TUSC3: variants seen among roughly 807,000 people sequenced by gnomAD.
TUSC3 encodes tumor suppressor candidate 3, also known as dolichyl-diphosphooligosaccharide--protein glycosyltransferase subunit TUSC3.
Under a neutral mutation model 44.8 loss-of-function variants are expected in TUSC3, and 45 were observed. The observed-to-expected ratio is 1.00, with a 90% CI of 0.79 to 1.29. The LOEUF (loss-of-function observed/expected upper bound fraction) is 1.29, where lower values mean the gene tolerates loss of function less well. Among genes scored for constraint, TUSC3 ranks in the 50% most tolerant of loss-of-function variants. TUSC3 has a pLI of 0.00. For synonymous variants in TUSC3, 212 were observed against 152.9 expected, an observed-to-expected ratio of 1.39 and a Z score of -2.85; for missense variants, 519 against 437.9, an observed-to-expected ratio of 1.19 and a Z score of -1.65.
Position 15,540,389 on chromosome 8 carries a change from G to A in TUSC3, c.-42G>A. The A allele has an allele frequency of 6.6e-6, 10 of 1,515,410 alleles. No homozygotes were observed. The highest frequency in any genetic ancestry group is 8.8e-6 in the Non-Finnish European group (10 of 1,130,514). 93.9% of individuals were successfully genotyped at this position (1,515,410 alleles called of 1,614,324 possible). A position where few individuals can be genotyped will look rare whatever the true frequency, so the allele number is the denominator to read the frequency against. On this transcript the variant is annotated 5_prime_UTR_variant, in exon 1 of 11. Coordinates refer to ENST00000503731, the MANE Select transcript of TUSC3 (RefSeq NM_006765.4). Reference sequence around the variant, plus strand: ...GCGTGGTGCGCGGTAGGAGCTGGGCGCGCACGGCTACCGCGCGTGGAGGAG... The same window carrying A: ...GCGTGGTGCGCGGTAGGAGCTGGGCACGCACGGCTACCGCGCGTGGAGGAG...
chr8:15,798,773 GACA>G, the TUSC3 span, among the ~76,000 whole-genome samples: 39 of 152,220 alleles, frequency 2.6e-4, no homozygotes, highest in East Asian at 5.0e-3. Context: ...CTCTTACAGG[GACA>G]ACATTTTAAA....
chr8:15,639,415 T>C (rs890481853), intron 2 of TUSC3, among the ~76,000 whole-genome samples: 1 of 152,232 alleles, frequency 6.6e-6, no homozygotes, highest in Non-Finnish European at 1.5e-5. Flanking sequence ...GAAAAACTCA[T>C]TGAAAAGTTT....
intron 6 of TUSC3, among the ~76,000 whole-genome samples, chr8:15,679,447 G>C (rs59768665): frequency 0.01 from 1,551 of 151,832 alleles, 26 homozygotes; most frequent in African/African-American, 0.036. Context: ...TTTTTAATGG[G>C]GTTATTTTTT....
chr8:15,613,630 C>G (rs1214156490), intron 1 of TUSC3, among the ~76,000 whole-genome samples: 1 of 152,098 alleles, frequency 6.6e-6, no homozygotes, highest in Non-Finnish European at 1.5e-5. Context: ...AACTGTGAGT[C>G]CATTGAACCT....
At chr8:15,848,598 A>G in the TUSC3 span, among the ~76,000 whole-genome samples, 1 of 48,770 alleles carries the variant, frequency 2.1e-5, no homozygotes, top group Admixed American at 1.8e-4. Flanking sequence ...TGAAACTCAA[A>G]CTTAAACATT....
intron 9 of TUSC3, among the ~76,000 whole-genome samples, chr8:15,749,202 C>A (rs1319376890): frequency 6.6e-6 from 1 of 151,856 alleles, no homozygotes; most frequent in Non-Finnish European, 1.5e-5. Context: ...TCAGTATTTC[C>A]TTTTTCAGAG....
At chr8:15,558,749 C>A (rs200848411) in intron 1 of TUSC3, among the ~76,000 whole-genome samples, 2 of 122,112 alleles carry the variant, frequency 1.6e-5, no homozygotes, top group African/African-American at 5.9e-5. Context: ...GTGTATGTGT[C>A]GAGGAATTTA....
Position 15,668,431 on chromosome 8 carries a change from G to T in TUSC3, c.709-5316G>T, listed in dbSNP as rs373996899. On this transcript the variant is annotated intron_variant, in intron 5 of 10. Transcript: ENST00000503731. ...TTCATTTGTTGACCATTCAACAAGA[G>T]TTTGAAAGCTACGTGTATCAAAATC... 1.7e-4 allele frequency among the ~76,000 whole-genome samples: 26 copies of T among 151,788 alleles called. No homozygotes were observed. The East Asian group carries it at 3.9e-3, about 23-fold the overall frequency.
chr8:15,733,708 A>G (rs1810818111), intron 7 of TUSC3: 1 of 153,936 alleles, frequency 6.5e-6, no homozygotes, highest in South Asian at 2.0e-4. Context: ...CATATCTATT[A>G]CTAAGAAAGA....
chr8:15,737,383 C>T (rs1810981311), intron 7 of TUSC3, among the ~76,000 whole-genome samples: 2 of 152,086 alleles, frequency 1.3e-5, no homozygotes, highest in South Asian at 4.2e-4. Flanking sequence ...TAAATATATT[C>T]GTTACTAATT....
At chr8:15,523,664 A>ATATATATGTGTG (rs1345376349) in intron 2 of TUSC3, among the ~76,000 whole-genome samples, 4 of 42,486 alleles carry the variant, frequency 9.4e-5, no homozygotes, top group African/African-American at 3.5e-4. Flanking sequence ...ATATATATAT[A>ATATATATGTGTG]TGTGTGTGTG....
intron 1 of TUSC3, among the ~76,000 whole-genome samples, chr8:15,552,055 C>A (rs577900434): frequency 2.0e-5 from 3 of 151,634 alleles, no homozygotes; most frequent in African/African-American, 7.2e-5. Context: ...TGGCAGAAGC[C>A]CAAAGTAGAC....
chr8:15,721,589 A>T (rs935720407), intron 6 of TUSC3, among the ~76,000 whole-genome samples: 1 of 152,066 alleles, frequency 6.6e-6, no homozygotes, highest in South Asian at 2.1e-4. Context: ...GAATTTTAAA[A>T]TGCTGAAGGA....
chr8:15,736,527 T>C (rs1810945394), intron 7 of TUSC3, among the ~76,000 whole-genome samples: 1 of 152,184 alleles, frequency 6.6e-6, no homozygotes, highest in Admixed American at 6.5e-5. Context: ...TTCTTAAAAT[T>C]CAAAACCTCA....
At chr8:15,552,690 C>G (rs1238929086) in intron 1 of TUSC3, among the ~76,000 whole-genome samples, 1 of 151,542 alleles carries the variant, frequency 6.6e-6, no homozygotes, top group Non-Finnish European at 1.5e-5. Flanking sequence ...AAGTGAGGAT[C>G]AAATCTTGAA....
At chr8:15,847,390 T>C in the TUSC3 span, among the ~76,000 whole-genome samples, 4 of 152,170 alleles carry the variant, frequency 2.6e-5, no homozygotes, top group Non-Finnish European at 5.9e-5. Context: ...CAAACTTCTC[T>C]GTTGTGCAAA....
chr8:15,804,384 G>C, the TUSC3 span, among the ~76,000 whole-genome samples: 1 of 152,146 alleles, frequency 6.6e-6, no homozygotes, highest in Non-Finnish European at 1.5e-5. Context: ...TTTGAGAACT[G>C]AGTCATAAAT....
At chr8:15,623,995 T>C (rs1047873649) in intron 2 of TUSC3, among the ~76,000 whole-genome samples, 5 of 152,126 alleles carry the variant, frequency 3.3e-5, no homozygotes, top group African/African-American at 9.7e-5. Flanking sequence ...ACCTCTGACC[T>C]CTGGCAATCA....
chr8:15,486,013 C>G (rs969720022), intron 2 of TUSC3, among the ~76,000 whole-genome samples: 3 of 152,038 alleles, frequency 2.0e-5, no homozygotes, highest in Non-Finnish European at 4.4e-5. Context: ...AGGCTGGTCT[C>G]AAACTCCTGA....
Sources: allele counts gnomAD v4.1 joint callset (sites outside exome capture counted in the v4.1 genomes callset), GRCh38; gene constraint gnomAD v4.1.1; transcripts MANE v1.5; gene names NCBI Gene and HGNC (gene_info 2026-07-23, HGNC 2026-07-21).